The following KCND3 variants were observed in gnomAD, a reference collection of about 807,000 sequenced individuals.
The protein encoded by KCND3 is A-type voltage-gated potassium channel KCND3.
In KCND3, 9 loss-of-function variants were observed where a neutral mutation model predicts 51.1. That is an observed-to-expected ratio of 0.18 (90% CI 0.11 to 0.31). The LOEUF (loss-of-function observed/expected upper bound fraction) is 0.31, where lower values mean the gene tolerates loss of function less well. Among genes scored for constraint, KCND3 ranks in the 10% least tolerant of loss-of-function variants. The probability of loss-of-function intolerance (pLI) is 1.00; values close to 1 mark genes in which losing one functional copy is unlikely to be tolerated. For synonymous variants in KCND3, 349 were observed against 368.0 expected (o/e 0.95, Z 0.59); for missense variants, 526 against 903.8 (o/e 0.58, Z 5.36).
intron 2 of KCND3, among the ~76,000 whole-genome samples, chr1:111,816,033 G>A (rs1219747392): frequency 6.6e-6 from 1 of 152,254 alleles, no homozygotes; most frequent in African/African-American, 2.4e-5. Context: ...CCGGCAGCAA[G>A]AGCTTCATAT....
Position 111,775,642 on chromosome 1 carries a change from A to G in KCND3, c.*435T>C, listed in dbSNP as rs1167743512. The G allele has an allele frequency of 4.2e-6, 1 of 235,570 alleles. No homozygotes were observed. Among genetic ancestry groups the G allele is most frequent in the Non-Finnish European group, 8.5e-6 (1 of 118,138 alleles). 14.6% of individuals were successfully genotyped at this position (235,570 alleles called of 1,614,324 possible). ...AGAGCCTTGAAAAAGGTGCTTAAAT[A>G]CACAGTGTTATATTTTCTTCCTGTT... On this transcript the variant is annotated 3_prime_UTR_variant, in exon 8 of 8. Coordinates refer to ENST00000302127, the MANE Select transcript of KCND3 (RefSeq NM_001378969.1).
At chr1:111,912,824 C>T (rs1328525414) in intron 2 of KCND3, among the ~76,000 whole-genome samples, 1 of 151,988 alleles carries the variant, frequency 6.6e-6, no homozygotes, top group Non-Finnish European at 1.5e-5. Context: ...TATAACGGTA[C>T]AACGTATTTG....
intron 2 of KCND3, among the ~76,000 whole-genome samples, chr1:111,885,739 T>G (rs1351820260): frequency 2.0e-5 from 3 of 152,070 alleles, no homozygotes; most frequent in Non-Finnish European, 2.9e-5. Context: ...GTGGCGTGAT[T>G]TTGGCTCACT....
At chr1:111,841,826 T>A (rs1338600703) in intron 2 of KCND3, among the ~76,000 whole-genome samples, 3 of 152,212 alleles carry the variant, frequency 2.0e-5, no homozygotes, top group African/African-American at 7.2e-5. Context: ...TAATGTCTCA[T>A]TTCAGTGTCT....
Position 111,982,850 on chromosome 1 carries a change from G to A in KCND3, c.-72-52C>T. 7.6e-7 allele frequency: 1 copy of A among 1,315,802 alleles called. No homozygotes were observed. Among genetic ancestry groups the A allele is most frequent in the Non-Finnish European group, 1.1e-6 (1 of 950,692 alleles). 81.5% of individuals were successfully genotyped at this position (1,315,802 alleles called of 1,614,324 possible). A position where few individuals can be genotyped will look rare whatever the true frequency, so the allele number is the denominator to read the frequency against. On this transcript the variant is annotated intron_variant, in intron 1 of 7. Transcript: ENST00000302127. The surrounding 1 kb of genome is among the most constrained non-coding windows in gnomAD (Gnocchi z 8.5). ...AGCGGTGAGTCCATATCGACTGGCA[G>A]GTAAGAAATGGGACACAGGAAAGGA... is the stretch of plus-strand genomic sequence containing the variant.
intron 2 of KCND3, among the ~76,000 whole-genome samples, chr1:111,820,592 C>T (rs1460089623): frequency 6.6e-6 from 1 of 152,164 alleles, no homozygotes; most frequent in Non-Finnish European, 1.5e-5. Flanking sequence ...GTTTTTGCTT[C>T]TTCTCCTTCT....
At chr1:111,824,242 G>A (rs1183897756) in intron 2 of KCND3, among the ~76,000 whole-genome samples, 1 of 152,184 alleles carries the variant, frequency 6.6e-6, no homozygotes, top group African/African-American at 2.4e-5. Context: ...GAGCAGAAGA[G>A]CTTGGGGAAA....
At chr1:111,895,396 T>G (rs1670058731) in intron 2 of KCND3, among the ~76,000 whole-genome samples, 1 of 150,446 alleles carries the variant, frequency 6.6e-6, no homozygotes, top group African/African-American at 2.5e-5. Flanking sequence ...AATGGGGAGG[T>G]GGGGGAAGGG....
At chr1:111,978,485 G>A (rs1282939207) in intron 2 of KCND3, among the ~76,000 whole-genome samples, 1 of 152,174 alleles carries the variant, frequency 6.6e-6, no homozygotes, top group Non-Finnish European at 1.5e-5. Flanking sequence ...GGAAAAAATG[G>A]GCTTTCTGGA....
At chr1:111,892,163 C>T (rs780623656) in intron 2 of KCND3, among the ~76,000 whole-genome samples, 7 of 152,106 alleles carry the variant, frequency 4.6e-5, no homozygotes, top group East Asian at 3.9e-4. Context: ...CTGACGACGA[C>T]GGATGAGGCA....
At chr1:111,905,957 G>C (rs547076100) in intron 2 of KCND3, among the ~76,000 whole-genome samples, 4 of 152,342 alleles carry the variant, frequency 2.6e-5, no homozygotes, top group Non-Finnish European at 4.4e-5. Context: ...CTGTGAGAGG[G>C]AGTGAGTTGG....
chr1:111,797,349 C>T (rs1280997010), intron 2 of KCND3, among the ~76,000 whole-genome samples: 6 of 152,202 alleles, frequency 3.9e-5, no homozygotes, highest in Admixed American at 3.9e-4. Context: ...GAGATCCTGC[C>T]TGTTCATCCA....
At position 111,778,462 on chromosome 1, in the gene KCND3, A is replaced by G. The variant is rs762528364; in HGVS notation, c.1492T>C (p.Leu498=). The G allele has an allele frequency of 1.2e-5, 19 of 1,614,062 alleles. No individual in the cohort carries two copies. Among genetic ancestry groups the G allele is most frequent in the Admixed American group, 5.0e-5 (3 of 60,028 alleles). ...TTGATGGTGGAGGTTCGTACAGATA[A>G]CAGGGGATCATCCACAAGATAGGAC... ...GLSYLVDDPL[L]SVRTSTIKNH... Residue 498 remains leucine (L), a synonymous_variant, in exon 6 of 8, where the codon TTA becomes CTA. Coordinates refer to ENST00000302127, the MANE Select transcript of KCND3 (RefSeq NM_001378969.1).
intron 2 of KCND3, among the ~76,000 whole-genome samples, chr1:111,865,043 AATC>A (rs1668495133): frequency 6.6e-6 from 1 of 152,204 alleles, no homozygotes; most frequent in Non-Finnish European, 1.5e-5. Context: ...TCGGCAACCC[AATC>A]TTCATCTTGG....
chr1:111,866,267 T>A (rs1378060155), intron 2 of KCND3, among the ~76,000 whole-genome samples: 1 of 61,560 alleles, frequency 1.6e-5, no homozygotes, highest in Admixed American at 1.7e-4. Context: ...TCTTTTCTTT[T>A]TTTTTTTTTT....
intron 1 of KCND3, among the ~76,000 whole-genome samples, chr1:111,985,372 C>T (rs1421081573): frequency 2.0e-5 from 3 of 152,178 alleles, no homozygotes; most frequent in African/African-American, 4.8e-5. Flanking sequence ...AATAAGTAGG[C>T]GGCGCCATTA....
chr1:111,819,379 C>CAA (rs780021547), intron 2 of KCND3, among the ~76,000 whole-genome samples: 2 of 129,138 alleles, frequency 1.5e-5, no homozygotes, highest in East Asian at 2.2e-4. Flanking sequence ...GATGTGAAGC[C>CAA]AAAAAAAAAA....
chr1:111,891,867 A>G (rs1669838717), intron 2 of KCND3, among the ~76,000 whole-genome samples: 1 of 152,168 alleles, frequency 6.6e-6, no homozygotes, highest in Non-Finnish European at 1.5e-5. Context: ...CTGACCATCT[A>G]CTATGTTCCA....
In KCND3 at chr1:111,776,200, G is replaced by A. The variant is rs777736918; in HGVS notation, c.1845C>T (p.Ile615=). ...CKTSQITTAI[I]SIPTPPALTP... is the part of the protein sequence containing the mutation. ...TTAGCGCTGGGGGAGTGGGGATGCT[G>A]ATGATGGCTGTGGTGATCTGGGATG... The change falls in exon 8 of 8, where the codon ATC becomes ATT. Residue 615 remains isoleucine (I), a synonymous_variant. Coordinates refer to ENST00000302127, the MANE Select transcript of KCND3 (RefSeq NM_001378969.1). 1 of 1,614,252 alleles carries A rather than the reference G, an allele frequency of 6.2e-7. No homozygotes were observed. The highest frequency in any genetic ancestry group is 8.5e-7 in the Non-Finnish European group (1 of 1,180,048).
Sources: allele counts gnomAD v4.1 joint callset (sites outside exome capture counted in the v4.1 genomes callset), GRCh38; gene constraint gnomAD v4.1.1; non-coding constraint Gnocchi (gnomAD v3.1); transcripts MANE v1.5; gene names NCBI Gene and HGNC (gene_info 2026-07-23, HGNC 2026-07-21).